COPE: variants seen among roughly 807,000 people sequenced by gnomAD.
COPE encodes the protein coat protein complex I subunit epsilon, also known as coatomer subunit epsilon.
In COPE, 19 loss-of-function variants were observed where a neutral mutation model predicts 42.1. That is an observed-to-expected ratio of 0.45 (90% CI 0.31 to 0.66). COPE has a LOEUF of 0.66. Among genes scored for constraint, COPE ranks in the 30% least tolerant of loss-of-function variants. The probability of loss-of-function intolerance (pLI) is 0.05; values close to 1 mark genes in which losing one functional copy is unlikely to be tolerated. For synonymous variants in COPE, 195 were observed against 181.3 expected, an observed-to-expected ratio of 1.08 and a Z score of -0.60; for missense variants, 402 against 416.1, an observed-to-expected ratio of 0.97 and a Z score of 0.30.
At chr19:18,910,847 G>A (rs1239898055) in intron 3 of COPE, 124 bp downstream of exon 3, 2 of 773,976 alleles carry the variant, frequency 2.6e-6, no homozygotes, top group African/African-American at 3.4e-5. Flanking sequence ...GAGCAGAGGG[G>A]AGAGGCGCCT....
intron 7 of COPE, among the ~76,000 whole-genome samples, chr19:18,901,220 G>A (rs1002348594): frequency 6.6e-5 from 10 of 152,258 alleles, no homozygotes; most frequent in African/African-American, 2.4e-4. Context: ...CCCAGGTGGT[G>A]TTTCAAGAGA....
At chr19:18,915,876 AC>A (rs2056849768) in intron 1 of COPE, among the ~76,000 whole-genome samples, 1 of 152,226 alleles carries the variant, frequency 6.6e-6, no homozygotes, top group Non-Finnish European at 1.5e-5. Flanking sequence ...AATGTCAGAA[AC>A]CCAGAAACGT....
chr19:18,906,809 A>T, intron 4 of COPE, 151 bp downstream of exon 4: 1 of 887,176 alleles, frequency 1.1e-6, no homozygotes, highest in Non-Finnish European at 1.7e-6. Context: ...TGGGCAGGGG[A>T]GCTGGAGCCT....
chr19:18,917,190 G>T (rs2056861083), intron 1 of COPE, among the ~76,000 whole-genome samples: 1 of 145,794 alleles, frequency 6.9e-6, no homozygotes, highest in Admixed American at 6.9e-5. Context: ...TCTTTTTCCA[G>T]TGGCGGGTTC....
intron 1 of COPE, among the ~76,000 whole-genome samples, chr19:18,913,651 G>A (rs1376120255): frequency 1.3e-5 from 2 of 152,220 alleles, no homozygotes; most frequent in Non-Finnish European, 2.9e-5. Flanking sequence ...GCCCCCGGAG[G>A]CTGGCTGACT....
At chr19:18,902,785 G>GAAGGAAGGAAGGAAGGAAGGAAGGAAGGA (rs2056718707) in intron 7 of COPE, among the ~76,000 whole-genome samples, 1 of 30,498 alleles carries the variant, frequency 3.3e-5, no homozygotes, top group Non-Finnish European at 7.1e-5. Context: ...AGGAAGGAAG[G>GAAGGAAGGAAGGAAGGAAGGAAGGAAGGA]AAGGAAGGAA....
intron 3 of COPE, among the ~76,000 whole-genome samples, chr19:18,907,686 G>T (rs1345315846): frequency 1.3e-5 from 2 of 152,218 alleles, no homozygotes; most frequent in Non-Finnish European, 2.9e-5. Context: ...GGTCACCCAT[G>T]CCTCCATGTC....
At chr19:18,900,087 C>A (rs1012874294) in intron 8 of COPE, 140 bp from the exon 9 acceptor site, 3 of 618,750 alleles carry the variant, frequency 4.8e-6, no homozygotes, top group Non-Finnish European at 8.1e-6. Flanking sequence ...GGGCTGATCT[C>A]GGAGAACCTT....
chr19:18,915,985 T>C (rs1388555936), intron 1 of COPE, among the ~76,000 whole-genome samples: 1 of 152,232 alleles, frequency 6.6e-6, no homozygotes, highest in Non-Finnish European at 1.5e-5. Context: ...CTCAGGCCAC[T>C]GTCATGAACT....
intron 4 of COPE, 112 bp from the exon 5 acceptor site, chr19:18,905,741 A>G: frequency 9.2e-7 from 1 of 1,088,666 alleles, no homozygotes. Context: ...TCCTGTGCTT[A>G]GGACCACCAG....
chr19:18,908,725 G>C (rs993267573), intron 3 of COPE, among the ~76,000 whole-genome samples: 1 of 151,640 alleles, frequency 6.6e-6, no homozygotes, highest in African/African-American at 2.4e-5. Context: ...TCACGTGTTA[G>C]CCAGGATGGT....
intron 4 of COPE, 121 bp from the exon 5 acceptor site, chr19:18,905,750 A>C: frequency 1.1e-6 from 1 of 941,768 alleles, no homozygotes; most frequent in Non-Finnish European, 1.6e-6. Context: ...TAGGACCACC[A>C]GCCCCGCCCA....
chr19:18,900,241 G>T, intron 8 of COPE, 140 bp downstream of exon 8: 1 of 717,092 alleles, frequency 1.4e-6, no homozygotes, highest in Non-Finnish European at 2.3e-6. Context: ...GGGGGCACAG[G>T]GTTTGTGAGG....
chr19:18,908,852 G>C (rs1008719527), intron 3 of COPE, among the ~76,000 whole-genome samples: 2 of 152,040 alleles, frequency 1.3e-5, no homozygotes, highest in African/African-American at 4.8e-5. Context: ...ATACAAATTA[G>C]CCAGGCATGG....
Position 18,919,148 on chromosome 19 carries a change from G to A in COPE, c.126+75C>T, listed in dbSNP as rs2231986. 4.2e-3 allele frequency: 6,305 copies of A among 1,514,678 alleles called. 22 individuals carry two copies. Among genetic ancestry groups the A allele is most frequent in the Non-Finnish European group, 5.4e-3 (5,973 of 1,109,928 alleles). 93.8% of individuals were successfully genotyped at this position (1,514,678 alleles called of 1,614,324 possible). A position where few individuals can be genotyped will look rare whatever the true frequency, so the allele number is the denominator to read the frequency against. ...AGAAAAGAGAAAGTTTTTAGACGCA[G>A]AACGCGGCTCGCGGCCACCAGAAAG... On this transcript the variant is annotated intron_variant, in intron 1 of 9. Transcript: ENST00000262812.
chr19:18,912,341 G>C (rs1449253181), intron 2 of COPE, among the ~76,000 whole-genome samples: 2 of 151,666 alleles, frequency 1.3e-5, no homozygotes, highest in Non-Finnish European at 2.9e-5. Flanking sequence ...GTAGAGACGG[G>C]GGTCTCACTA....
At chr19:18,918,708 C>T (rs1240731465) in intron 1 of COPE, among the ~76,000 whole-genome samples, 1 of 152,140 alleles carries the variant, frequency 6.6e-6, no homozygotes, top group Non-Finnish European at 1.5e-5. Flanking sequence ...GAATTACAGG[C>T]GTTTGAGCCA....
At chr19:18,915,287 G>C (rs2056844851) in intron 1 of COPE, among the ~76,000 whole-genome samples, 1 of 152,214 alleles carries the variant, frequency 6.6e-6, no homozygotes. Context: ...CGCCATCGGG[G>C]GCACCAGGGT....
intron 3 of COPE, among the ~76,000 whole-genome samples, chr19:18,907,821 C>G (rs551197590): frequency 1.3e-5 from 2 of 152,216 alleles, no homozygotes; most frequent in African/African-American, 4.8e-5. Flanking sequence ...TCTGTGACCC[C>G]GTAAGCATCC....
Sources: gnomAD v4.1 joint callset for allele counts (sites outside exome capture counted in the v4.1 genomes callset) on GRCh38, gnomAD v4.1.1 for gene constraint, MANE v1.5 for transcripts, NCBI Gene and HGNC (gene_info 2026-07-23, HGNC 2026-07-21) for gene names.